DTWD2: variants seen among roughly 807,000 people sequenced by gnomAD.
The protein encoded by DTWD2 is tRNA-uridine aminocarboxypropyltransferase 2.
DTWD2 carries 39 observed loss-of-function variants against 31.8 expected under a neutral mutation model. That is an observed-to-expected ratio of 1.22 (90% confidence interval 0.95 to 1.60). DTWD2 has a LOEUF of 1.60. Among genes scored for constraint, DTWD2 ranks in the 40% most tolerant of loss-of-function variants. The pLI is 0.00. For synonymous variants in DTWD2, 180 were observed against 142.8 expected, an observed-to-expected ratio of 1.26 and a Z score of -1.86; for missense variants, 515 against 381.5, an observed-to-expected ratio of 1.35 and a Z score of -2.92.
chr5:118,959,733 C>T (rs1424159975), intron 1 of DTWD2, among the ~76,000 whole-genome samples: 1 of 152,164 alleles, frequency 6.6e-6, no homozygotes, highest in Non-Finnish European at 1.5e-5. Flanking sequence ...ACCAAAACAG[C>T]ATGGTACTGG....
chr5:118,976,094 G>C, intron 1 of DTWD2, among the ~76,000 whole-genome samples: 1 of 151,976 alleles, frequency 6.6e-6, no homozygotes, highest in Middle Eastern at 3.2e-3. Flanking sequence ...ATGACTACTG[G>C]GTAAATAATG....
At chr5:118,853,123 C>A (rs1003452339) in intron 4 of DTWD2, among the ~76,000 whole-genome samples, 4 of 152,156 alleles carry the variant, frequency 2.6e-5, no homozygotes, top group African/African-American at 4.8e-5. Context: ...ATGCTCACTA[C>A]CTGGGTAACA....
chr5:118,839,346 G>C lies in DTWD2; in HGVS notation c.*1571C>G, dbSNP rs1175661035. On this transcript the variant is annotated 3_prime_UTR_variant, in exon 6 of 6. Coordinates refer to ENST00000510708, the MANE Select transcript of DTWD2 (RefSeq NM_173666.4). ...ATTAAGTGCTTTACATTGTAAATGA[G>C]CTAGTTTGTTTATTTATTTATTTAT... 2 of 151,850 alleles carry C rather than the reference G, an allele frequency of 1.3e-5. No homozygotes were observed. Among genetic ancestry groups the C allele is most frequent in the Non-Finnish European group, 2.9e-5 (2 of 67,956 alleles). 9.4% of individuals were successfully genotyped at this position (151,850 alleles called of 1,614,324 possible). A position where few individuals can be genotyped will look rare whatever the true frequency, so the allele number is the denominator to read the frequency against.
rs2112659826 is a variant in DTWD2, at chr5:118,837,805, G to C, written c.*3112C>G. The C allele has an allele frequency of 2.0e-5, 3 of 152,220 alleles. No individual in the cohort carries two copies. Among genetic ancestry groups the C allele is most frequent in the East Asian group, 3.9e-4 (2 of 5,176 alleles). The allele number at this position is 152,220 out of a possible 1,614,324, so 9.4% of individuals were successfully genotyped here. A position where few individuals can be genotyped will look rare whatever the true frequency, so the allele number is the denominator to read the frequency against. On this transcript the variant is annotated 3_prime_UTR_variant, in exon 6 of 6. Coordinates refer to ENST00000510708, the MANE Select transcript of DTWD2 (RefSeq NM_173666.4). ...GTGGTGGCATGGGGCTGAGGTTCTAGCTACTTGGGAGGCTGAGGCAGGAGG... is the reference window on the plus strand; with the variant it reads ...GTGGTGGCATGGGGCTGAGGTTCTACCTACTTGGGAGGCTGAGGCAGGAGG...
intron 4 of DTWD2, among the ~76,000 whole-genome samples, chr5:118,896,154 G>C (rs530349486): frequency 2.0e-5 from 3 of 152,094 alleles, no homozygotes; most frequent in African/African-American, 7.2e-5. Flanking sequence ...AGGATTCAAG[G>C]ATTTTTCATG....
intron 4 of DTWD2, among the ~76,000 whole-genome samples, chr5:118,892,962 A>G (rs974567416): frequency 1.3e-5 from 2 of 152,160 alleles, no homozygotes; most frequent in Admixed American, 1.3e-4. Flanking sequence ...CTATAAAAAG[A>G]ATAAGGAAGA....
chr5:118,987,299 T>C (rs1343438824), intron 1 of DTWD2, among the ~76,000 whole-genome samples: 1 of 152,160 alleles, frequency 6.6e-6, no homozygotes, highest in African/African-American at 2.4e-5. Flanking sequence ...CAACTATACA[T>C]AGTACATTTA....
At chr5:118,891,765 T>C (rs761144417) in intron 4 of DTWD2, among the ~76,000 whole-genome samples, 11 of 152,194 alleles carry the variant, frequency 7.2e-5, no homozygotes, top group South Asian at 4.1e-4. Context: ...ATAAATGAAA[T>C]GTATTACAAA....
At chr5:118,963,791 C>T (rs932321981) in intron 1 of DTWD2, among the ~76,000 whole-genome samples, 1 of 152,160 alleles carries the variant, frequency 6.6e-6, no homozygotes, top group Non-Finnish European at 1.5e-5. Flanking sequence ...ACTCCTAAAT[C>T]ACACTATTCA....
chr5:118,986,998 G>A (rs1018745162), intron 1 of DTWD2, among the ~76,000 whole-genome samples: 5 of 151,870 alleles, frequency 3.3e-5, no homozygotes, highest in Admixed American at 3.3e-4. Flanking sequence ...TTTTAAAAAA[G>A]CATCATAAAA....
chr5:118,918,338 T>A (rs896667301), intron 4 of DTWD2, among the ~76,000 whole-genome samples: 79 of 152,248 alleles, frequency 5.2e-4, no homozygotes, highest in African/African-American at 1.8e-3. Context: ...TTTTTTATTT[T>A]TTTTTTGAGA....
At chr5:118,919,057 G>A (rs990208056) in intron 4 of DTWD2, among the ~76,000 whole-genome samples, 3 of 152,170 alleles carry the variant, frequency 2.0e-5, no homozygotes, top group African/African-American at 7.2e-5. Flanking sequence ...AGAGAGACTG[G>A]ATATTATACA....
At chr5:118,943,768 TGAAA>T (rs1754263681) in intron 2 of DTWD2, among the ~76,000 whole-genome samples, 1 of 152,124 alleles carries the variant, frequency 6.6e-6, no homozygotes, top group African/African-American at 2.4e-5. Context: ...TTTCATCATT[TGAAA>T]GAAAGAAAAG....
chr5:118,948,680 G>T (rs1471906608), intron 1 of DTWD2, among the ~76,000 whole-genome samples: 1 of 152,156 alleles, frequency 6.6e-6, no homozygotes, highest in African/African-American at 2.4e-5. Context: ...CACGGTCCCG[G>T]CTCTCGTGTA....
chr5:118,876,475 T>C (rs935101910), intron 4 of DTWD2, among the ~76,000 whole-genome samples: 10 of 151,918 alleles, frequency 6.6e-5, no homozygotes, highest in Non-Finnish European at 1.5e-4. Flanking sequence ...AAAAAAAGAA[T>C]AGACCACTAG....
chr5:118,902,734 C>T (rs146701536), intron 4 of DTWD2, among the ~76,000 whole-genome samples: 3 of 152,038 alleles, frequency 2.0e-5, no homozygotes, highest in Non-Finnish European at 4.4e-5. Context: ...TTAATAACTA[C>T]TGGAACTCAT....
intron 4 of DTWD2, among the ~76,000 whole-genome samples, chr5:118,860,192 A>G (rs917624361): frequency 8.7e-5 from 13 of 149,674 alleles, no homozygotes; most frequent in Non-Finnish European, 1.6e-4. Flanking sequence ...TATATTATAT[A>G]AAAGCATAGT....
chr5:118,920,621 A>T (rs1753681517), intron 4 of DTWD2, among the ~76,000 whole-genome samples: 1 of 152,176 alleles, frequency 6.6e-6, no homozygotes, highest in African/African-American at 2.4e-5. Flanking sequence ...CTTCAGCAAC[A>T]ATCAATGAAA....
chr5:118,859,748 T>G (rs527711905), intron 4 of DTWD2, among the ~76,000 whole-genome samples: 1 of 152,326 alleles, frequency 6.6e-6, no homozygotes, highest in African/African-American at 2.4e-5. Context: ...TACTTATTGC[T>G]TTCCTCCCTC....
Sources: gnomAD v4.1 joint callset for allele counts (sites outside exome capture counted in the v4.1 genomes callset) on GRCh38, gnomAD v4.1.1 for gene constraint, MANE v1.5 for transcripts, NCBI Gene and HGNC (gene_info 2026-07-23, HGNC 2026-07-21) for gene names.